Variants in KLF12 observed in about 807,000 individuals in gnomAD.
KLF12 encodes Krueppel-like factor 12.
Under a neutral mutation model 37.8 loss-of-function variants are expected in KLF12, and 9 were observed. The observed-to-expected ratio is 0.24, with a 90% CI of 0.14 to 0.42. The LOEUF is 0.42. Ranked by LOEUF, KLF12 falls within the 10% of genes least tolerant of loss-of-function variation. The pLI, the probability that KLF12 is intolerant of heterozygous loss-of-function variation, is 1.00. For missense variants in KLF12, 411 were observed against 516.0 expected, an observed-to-expected ratio of 0.80 and a Z score of 1.97; for synonymous variants, 208 against 202.1, an observed-to-expected ratio of 1.03 and a Z score of -0.25.
At chr13:73,987,652 G>C (rs948675922) in intron 2 of KLF12, among the ~76,000 whole-genome samples, 1 of 144,876 alleles carries the variant, frequency 6.9e-6, no homozygotes, top group East Asian at 2.1e-4. Flanking sequence ...TGGGGGGAGA[G>C]GAAGTGAGGG....
the KLF12 span, among the ~76,000 whole-genome samples, chr13:74,275,802 CTTTCCTTCTTTCTTTCTTTCTTTCTTTCT>C: frequency 4.2e-3 from 428 of 102,974 alleles, 2 homozygotes; most frequent in Non-Finnish European, 6.3e-3. Flanking sequence ...TTCTTTCTTT[CTTTCCTTCTTTCTTTCTTTCTTTCTTTCT>C]TTCTTTCTTT....
the KLF12 span, among the ~76,000 whole-genome samples, chr13:74,237,657 C>A: frequency 0.17 from 24,099 of 143,238 alleles, 1,435 homozygotes; most frequent in African/African-American, 0.4. Context: ...AGGTACTTCA[C>A]ATCCCTTGTA....
chr13:73,835,668 A>G (rs1035270514), intron 4 of KLF12, among the ~76,000 whole-genome samples: 3 of 152,162 alleles, frequency 2.0e-5, no homozygotes, highest in Non-Finnish European at 2.9e-5. Context: ...CAGGAACCAC[A>G]GTAAGAAATA....
At chr13:73,882,386 CAA>C (rs1404880324) in intron 3 of KLF12, among the ~76,000 whole-genome samples, 2 of 151,988 alleles carry the variant, frequency 1.3e-5, no homozygotes, top group Non-Finnish European at 2.9e-5. Flanking sequence ...GTGGAATATA[CAA>C]AAACAGAGGA....
At chr13:74,063,083 G>T (rs952175923) in intron 1 of KLF12, among the ~76,000 whole-genome samples, 2 of 152,136 alleles carry the variant, frequency 1.3e-5, no homozygotes, top group Non-Finnish European at 2.9e-5. Context: ...CCTCTGTGCC[G>T]CACCTCCAGC....
At chr13:73,839,814 T>A (rs1325741376) in intron 4 of KLF12, among the ~76,000 whole-genome samples, 4 of 152,170 alleles carry the variant, frequency 2.6e-5, no homozygotes, top group Non-Finnish European at 5.9e-5. Flanking sequence ...AAAAGATACA[T>A]AATGGAAAAT....
the KLF12 span, among the ~76,000 whole-genome samples, chr13:74,162,231 G>C: frequency 6.6e-6 from 1 of 152,190 alleles, no homozygotes; most frequent in Non-Finnish European, 1.5e-5. Flanking sequence ...CAGCTATTCA[G>C]CTCAGAAAAC....
intron 1 of KLF12, among the ~76,000 whole-genome samples, chr13:74,114,914 C>G (rs1194321321): frequency 6.6e-6 from 1 of 152,170 alleles, no homozygotes; most frequent in Admixed American, 6.5e-5. Flanking sequence ...GGGGCCCCAA[C>G]CCCCGGGGCC....
chr13:74,217,882 ACAT>A, the KLF12 span, among the ~76,000 whole-genome samples: 1 of 152,206 alleles, frequency 6.6e-6, no homozygotes, highest in African/African-American at 2.4e-5. Context: ...TTTACATAGT[ACAT>A]CACTTACAAT....
At chr13:73,860,288 G>A (rs988470354) in intron 3 of KLF12, among the ~76,000 whole-genome samples, 18 of 152,126 alleles carry the variant, frequency 1.2e-4, no homozygotes, top group Admixed American at 3.3e-4. Flanking sequence ...TTTCTCTTAC[G>A]AGGCGGCCAT....
At chr13:73,765,381 A>G (rs1879842525) in intron 5 of KLF12, among the ~76,000 whole-genome samples, 1 of 152,130 alleles carries the variant, frequency 6.6e-6, no homozygotes, top group African/African-American at 2.4e-5. Context: ...TGTTCCCATG[A>G]GGGTGGGCAC....
chr13:74,076,058 TC>T (rs1451377517), intron 1 of KLF12, among the ~76,000 whole-genome samples: 1 of 152,160 alleles, frequency 6.6e-6, no homozygotes, highest in African/African-American at 2.4e-5. Flanking sequence ...TTTCTTATGT[TC>T]TAAAATTAAT....
At chr13:73,782,785 T>C (rs577868761) in intron 5 of KLF12, among the ~76,000 whole-genome samples, 16 of 152,340 alleles carry the variant, frequency 1.1e-4, no homozygotes, top group South Asian at 2.1e-4. Context: ...TGGTGTTGAT[T>C]GTGTATCAGA....
chr13:73,890,017 T>C (rs1269158620), intron 3 of KLF12, among the ~76,000 whole-genome samples: 7 of 152,132 alleles, frequency 4.6e-5, no homozygotes, highest in African/African-American at 1.7e-4. Flanking sequence ...CTATGATAAT[T>C]TGATTTATGA....
intron 1 of KLF12, among the ~76,000 whole-genome samples, chr13:74,023,253 GTTTTGT>G (rs1289966900): frequency 6.6e-6 from 1 of 152,170 alleles, no homozygotes. Flanking sequence ...CAGATGTTTG[GTTTTGT>G]TTTTGAGAAT....
the KLF12 span, among the ~76,000 whole-genome samples, chr13:74,226,759 C>T: frequency 2.6e-5 from 4 of 152,144 alleles, no homozygotes; most frequent in Non-Finnish European, 5.9e-5. Context: ...TAATTATTAA[C>T]GCTATGTTTC....
At chr13:73,795,241 G>A (rs1367882531) in intron 5 of KLF12, among the ~76,000 whole-genome samples, 5 of 152,142 alleles carry the variant, frequency 3.3e-5, no homozygotes, top group Admixed American at 1.3e-4. Context: ...CTCAATAAAT[G>A]TAAGCTTCTC....
intron 2 of KLF12, among the ~76,000 whole-genome samples, chr13:73,977,133 C>T (rs1289847231): frequency 1.3e-5 from 2 of 151,120 alleles, no homozygotes; most frequent in African/African-American, 4.9e-5. Context: ...TCACTGCAAT[C>T]TCCGCTTCCC....
chr13:74,223,496 C>G, the KLF12 span, among the ~76,000 whole-genome samples: 1 of 152,262 alleles, frequency 6.6e-6, no homozygotes, highest in Non-Finnish European at 1.5e-5. Flanking sequence ...GATGATGGGA[C>G]AAGTATGGTA....
Sources: allele counts gnomAD v4.1 joint callset (sites outside exome capture counted in the v4.1 genomes callset), GRCh38; gene constraint gnomAD v4.1.1; transcripts MANE v1.5; gene names NCBI Gene and HGNC (gene_info 2026-07-23, HGNC 2026-07-21).